The following FGF12 variants were observed in gnomAD, a reference collection of about 807,000 sequenced individuals.
FGF12 encodes fibroblast growth factor 12B.
FGF12 carries 14 observed loss-of-function variants against 23.6 expected under a neutral mutation model. That is an observed-to-expected ratio of 0.59 (90% confidence interval 0.39 to 0.93). FGF12 has a LOEUF of 0.93. Among genes scored for constraint, FGF12 ranks in the 40% least tolerant of loss-of-function variants. The pLI is 0.00. For synonymous variants in FGF12, 62 were observed against 77.3 expected (o/e 0.80, Z 1.04); for missense variants, 175 against 217.8 (o/e 0.80, Z 1.24).
At chr3:192,590,305 G>T (rs147883888) in intron 2 of FGF12, among the ~76,000 whole-genome samples, 1 of 151,912 alleles carries the variant, frequency 6.6e-6, no homozygotes, top group East Asian at 1.9e-4. Flanking sequence ...AATTTGTAAA[G>T]CCTAAACTGC....
chr3:192,286,119 A>T (rs1714432476), intron 4 of FGF12, among the ~76,000 whole-genome samples: 2 of 152,030 alleles, frequency 1.3e-5, no homozygotes, highest in African/African-American at 2.4e-5. Context: ...GAAGTAACAG[A>T]CATACTTTTG....
chr3:192,537,445 C>T (rs34074904), intron 2 of FGF12, among the ~76,000 whole-genome samples: 35,875 of 151,666 alleles, frequency 0.24, 4,931 homozygotes, highest in Middle Eastern at 0.42. Context: ...CCCTTTTCTC[C>T]ACATGCTGGC....
chr3:192,308,415 C>T (rs1218786097), intron 4 of FGF12, among the ~76,000 whole-genome samples: 9 of 152,118 alleles, frequency 5.9e-5, no homozygotes, highest in East Asian at 3.9e-4. Flanking sequence ...CAGTGGCTCA[C>T]GCCTGTAATC....
chr3:192,540,521 A>G (rs1055001722), intron 2 of FGF12, among the ~76,000 whole-genome samples: 7 of 151,960 alleles, frequency 4.6e-5, no homozygotes, highest in African/African-American at 1.7e-4. Flanking sequence ...ATAACTTCCA[A>G]TTTTTTTAAT....
intron 2 of FGF12, among the ~76,000 whole-genome samples, chr3:192,509,684 A>G (rs529851759): frequency 6.6e-6 from 1 of 152,224 alleles, no homozygotes; most frequent in South Asian, 2.1e-4. Flanking sequence ...TAATGCACCA[A>G]CTAGCCTCAG....
chr3:192,698,849 C>A (rs917713360), intron 2 of FGF12, among the ~76,000 whole-genome samples: 1 of 152,082 alleles, frequency 6.6e-6, no homozygotes, highest in Non-Finnish European at 1.5e-5. Flanking sequence ...AAAAAGAAAC[C>A]ACAAAATACC....
chr3:192,271,763 A>G (rs191479847), intron 4 of FGF12, among the ~76,000 whole-genome samples: 1 of 152,302 alleles, frequency 6.6e-6, no homozygotes, highest in Admixed American at 6.5e-5. Context: ...ACAAACACAA[A>G]GGCAACTTAA....
At chr3:192,525,770 GT>G (rs145420980) in intron 2 of FGF12, among the ~76,000 whole-genome samples, 2 of 152,052 alleles carry the variant, frequency 1.3e-5, no homozygotes, top group South Asian at 2.1e-4. Flanking sequence ...GAGTCTCACC[GT>G]TTTTTTCTTT....
chr3:192,682,197 A>T (rs1295505473), intron 2 of FGF12, among the ~76,000 whole-genome samples: 1 of 152,170 alleles, frequency 6.6e-6, no homozygotes, highest in African/African-American at 2.4e-5. Flanking sequence ...CTCATTAACC[A>T]TATGGCAGCC....
At chr3:192,146,270 A>ATTTTTT (rs879200159) in intron 5 of FGF12, among the ~76,000 whole-genome samples, 2 of 92,162 alleles carry the variant, frequency 2.2e-5, no homozygotes, top group Non-Finnish European at 2.6e-5. Flanking sequence ...ATTAAAGTGT[A>ATTTTTT]TATTTTTTTT....
chr3:192,376,776 A>C (rs1433299097), intron 2 of FGF12, among the ~76,000 whole-genome samples: 2 of 152,176 alleles, frequency 1.3e-5, no homozygotes, highest in African/African-American at 4.8e-5. Context: ...TTTAAAATTT[A>C]TTTTAGATTC....
chr3:192,382,000 T>C (rs943000036), intron 2 of FGF12, among the ~76,000 whole-genome samples: 1 of 151,864 alleles, frequency 6.6e-6, no homozygotes, highest in Non-Finnish European at 1.5e-5. Context: ...AACACTTTTT[T>C]TTTTTTTCTT....
chr3:192,572,816 C>T (rs1712700400), intron 2 of FGF12, among the ~76,000 whole-genome samples: 1 of 152,146 alleles, frequency 6.6e-6, no homozygotes, highest in Non-Finnish European at 1.5e-5. Flanking sequence ...GACTCACTGT[C>T]ATCACAATGG....
At chr3:192,679,153 T>C (rs1000047827) in intron 2 of FGF12, among the ~76,000 whole-genome samples, 2 of 151,858 alleles carry the variant, frequency 1.3e-5, no homozygotes, top group Admixed American at 6.6e-5. Flanking sequence ...ATGCAGCAAA[T>C]AGAGGAGGCA....
intron 2 of FGF12, among the ~76,000 whole-genome samples, chr3:192,671,731 C>A (rs533376268): frequency 1.3e-5 from 2 of 151,798 alleles, no homozygotes; most frequent in African/African-American, 4.8e-5. Context: ...CTGAAGGCTG[C>A]GGTGAAGTGG....
At chr3:192,468,141 T>C (rs977843453) in intron 2 of FGF12, among the ~76,000 whole-genome samples, 7 of 152,204 alleles carry the variant, frequency 4.6e-5, no homozygotes, top group Non-Finnish European at 8.8e-5. Context: ...GTGGGTTTCC[T>C]GTCTGATGGT....
In FGF12 at chr3:192,640,790, CTTTT is replaced by C. The variant is rs34132622; in HGVS notation, c.13+86387_13+86390del. On this transcript the variant is annotated intron_variant, in intron 2 of 5. Transcript: ENST00000445105. ...TTGTATAGGCTGAGAGTTAAAACCC[CTTTT>C]TTTTGTTTGTTTGTTTGTTTGTTTG... is the stretch of plus-strand genomic sequence containing the variant. 1.4e-4 allele frequency among the ~76,000 whole-genome samples: 17 copies of C among 122,216 alleles called. No homozygotes were observed. The South Asian group carries it at 2.8e-3, about 20-fold the overall frequency. 80.2% of individuals were successfully genotyped at this position (122,216 alleles called of 152,430 possible).
intron 2 of FGF12, among the ~76,000 whole-genome samples, chr3:192,480,962 T>G (rs951828453): frequency 6.6e-6 from 1 of 152,178 alleles, no homozygotes; most frequent in Admixed American, 6.5e-5. Context: ...CAAAGAAGGC[T>G]CCATTATAAT....
intron 2 of FGF12, among the ~76,000 whole-genome samples, chr3:192,698,880 C>A (rs1196357970): frequency 1.3e-5 from 2 of 152,158 alleles, no homozygotes; most frequent in Admixed American, 1.3e-4. Flanking sequence ...CCTTAGTTGT[C>A]AATACACCTC....
Sources: gnomAD v4.1 joint callset for allele counts (sites outside exome capture counted in the v4.1 genomes callset) on GRCh38, gnomAD v4.1.1 for gene constraint, MANE v1.5 for transcripts, NCBI Gene and HGNC (gene_info 2026-07-23, HGNC 2026-07-21) for gene names.